The following FAM53B variants were observed in gnomAD, a reference collection of about 807,000 sequenced individuals.
FAM53B encodes protein FAM53B.
A neutral mutation model predicts 32.7 loss-of-function variants in FAM53B; 12 were observed. The observed-to-expected ratio is 0.37, with a 90% CI of 0.24 to 0.59. FAM53B has a LOEUF of 0.59. Ranked by LOEUF, FAM53B falls within the 20% of genes least tolerant of loss-of-function variation. FAM53B has a pLI of 0.72. For missense variants in FAM53B, 477 were observed against 577.7 expected (o/e 0.83, Z 1.79); for synonymous variants, 234 against 228.7 (o/e 1.02, Z -0.21).
At chr10:124,698,814 T>G (rs1447336993) in intron 2 of FAM53B, among the ~76,000 whole-genome samples, 1 of 152,032 alleles carries the variant, frequency 6.6e-6, no homozygotes, top group Admixed American at 6.5e-5. Flanking sequence ...AAAGCAGAGA[T>G]CAGACCACGT....
intron 3 of FAM53B, among the ~76,000 whole-genome samples, chr10:124,686,565 C>G (rs1361675237): frequency 6.6e-6 from 1 of 152,226 alleles, no homozygotes; most frequent in Non-Finnish European, 1.5e-5. Flanking sequence ...TGAAGATACA[C>G]CTTTCTCCTA....
intron 2 of FAM53B, chr10:124,704,340 G>C (rs563389460): frequency 1.3e-5 from 2 of 152,392 alleles, no homozygotes; most frequent in East Asian, 3.9e-4. Flanking sequence ...AAGTAAGAGA[G>C]ACATCCTCTG....
At chr10:124,742,104 G>C (rs867980834) in intron 1 of FAM53B, among the ~76,000 whole-genome samples, 1 of 152,154 alleles carries the variant, frequency 6.6e-6, no homozygotes, top group Non-Finnish European at 1.5e-5. Context: ...AAAAAATACA[G>C]GCCTTCCCCA....
intron 4 of FAM53B, among the ~76,000 whole-genome samples, chr10:124,655,011 G>A (rs1009021279): frequency 6.6e-6 from 1 of 152,184 alleles, no homozygotes; most frequent in Non-Finnish European, 1.5e-5. Flanking sequence ...CAGGTTACAG[G>A]AGCCCCAGGG....
intron 1 of FAM53B, among the ~76,000 whole-genome samples, chr10:124,720,449 G>C (rs1012002341): frequency 1.3e-5 from 2 of 152,116 alleles, no homozygotes; most frequent in Non-Finnish European, 2.9e-5. Context: ...AATAAAGTGA[G>C]GTCCTAGCTT....
At position 124,655,348 on chromosome 10, in the gene FAM53B, G is replaced by A. The variant is rs568943752; in HGVS notation, c.906+26259C>T. Among the ~76,000 whole-genome samples the A allele has an allele frequency of 9.2e-5, 14 of 152,244 alleles. No individual in the cohort carries two copies. The South Asian group carries it at 2.9e-3, about 32-fold the overall frequency. Reference sequence around the variant, plus strand: ...ATGAATTCAGGTGTCAGGACCTGCTGGCCTGGGGAGGGGCCTGAAAGCCAC... The same window carrying A: ...ATGAATTCAGGTGTCAGGACCTGCTAGCCTGGGGAGGGGCCTGAAAGCCAC... On this transcript the variant is annotated intron_variant, in intron 4 of 4. Transcript: ENST00000337318.
At chr10:124,720,923 G>C (rs570297735) in intron 1 of FAM53B, among the ~76,000 whole-genome samples, 1 of 152,218 alleles carries the variant, frequency 6.6e-6, no homozygotes, top group Non-Finnish European at 1.5e-5. Flanking sequence ...ATCTGGGCCG[G>C]GTGCGGTGGC....
At chr10:124,647,131 T>A (rs1311847402) in intron 4 of FAM53B, among the ~76,000 whole-genome samples, 1 of 152,220 alleles carries the variant, frequency 6.6e-6, no homozygotes, top group Non-Finnish European at 1.5e-5. Context: ...CGGGGCCGCA[T>A]GTGCTGATGG....
intron 4 of FAM53B, among the ~76,000 whole-genome samples, chr10:124,647,321 A>G (rs1949523362): frequency 6.6e-6 from 1 of 152,106 alleles, no homozygotes; most frequent in Non-Finnish European, 1.5e-5. Flanking sequence ...GTCTCTGAGG[A>G]GCGGCCCCAA....
intron 4 of FAM53B, among the ~76,000 whole-genome samples, chr10:124,669,087 TG>T (rs1564872808): frequency 6.6e-6 from 1 of 152,304 alleles, no homozygotes; most frequent in Middle Eastern, 3.4e-3. Flanking sequence ...CAAGCCATTT[TG>T]GGGGGTGTAG....
At chr10:124,672,983 C>T (rs1341971529) in intron 4 of FAM53B, among the ~76,000 whole-genome samples, 3 of 152,206 alleles carry the variant, frequency 2.0e-5, no homozygotes, top group African/African-American at 7.2e-5. Context: ...TGAGCACACA[C>T]TAAACAGGGT....
chr10:124,695,862 G>A (rs1368671443), intron 3 of FAM53B, among the ~76,000 whole-genome samples: 3 of 152,162 alleles, frequency 2.0e-5, no homozygotes, highest in Non-Finnish European at 1.5e-5. Context: ...GGCTACGAGA[G>A]ATTTTTATTG....
intron 1 of FAM53B, among the ~76,000 whole-genome samples, chr10:124,721,698 C>G (rs1950069598): frequency 6.6e-6 from 1 of 152,242 alleles, no homozygotes; most frequent in African/African-American, 2.4e-5. Context: ...AAGTCAACCT[C>G]TAGAGAGATG....
chr10:124,685,040 T>A (rs1949793993), intron 3 of FAM53B, among the ~76,000 whole-genome samples: 1 of 152,156 alleles, frequency 6.6e-6, no homozygotes, highest in Non-Finnish European at 1.5e-5. Context: ...ACATGGAGCA[T>A]GAAGAAGCAG....
intron 3 of FAM53B, among the ~76,000 whole-genome samples, chr10:124,683,360 AG>A (rs1271497115): frequency 2.6e-5 from 4 of 152,246 alleles, no homozygotes; most frequent in African/African-American, 9.6e-5. Flanking sequence ...CCATGATATC[AG>A]GGAACAACCT....
chr10:124,742,301 G>C (rs767874431), intron 1 of FAM53B: 4 of 152,354 alleles, frequency 2.6e-5, no homozygotes, highest in African/African-American at 7.2e-5. Flanking sequence ...TCCACAGCTA[G>C]AGGCGGGGGA....
At chr10:124,691,938 A>C (rs1564879229) in intron 3 of FAM53B, among the ~76,000 whole-genome samples, 1 of 152,140 alleles carries the variant, frequency 6.6e-6, no homozygotes, top group Non-Finnish European at 1.5e-5. Flanking sequence ...TGGCTCCCTC[A>C]CCCAGCCGGC....
At chr10:124,678,544 C>T (rs1949750385) in intron 4 of FAM53B, among the ~76,000 whole-genome samples, 1 of 152,194 alleles carries the variant, frequency 6.6e-6, no homozygotes, top group Non-Finnish European at 1.5e-5. Context: ...CTTCTAAATG[C>T]AGATCCAAAA....
intron 4 of FAM53B, among the ~76,000 whole-genome samples, chr10:124,660,452 C>T (rs950238203): frequency 1.3e-5 from 2 of 152,232 alleles, no homozygotes; most frequent in Non-Finnish European, 2.9e-5. Context: ...GAATACAACT[C>T]ACCCTGATAC....
Sources: gnomAD v4.1 joint callset for allele counts (sites outside exome capture counted in the v4.1 genomes callset) on GRCh38, gnomAD v4.1.1 for gene constraint, MANE v1.5 for transcripts, NCBI Gene and HGNC (gene_info 2026-07-23, HGNC 2026-07-21) for gene names.